STK33: variants seen among roughly 807,000 people sequenced by gnomAD.
STK33 encodes the protein serine/threonine-protein kinase 33.
STK33 carries 52 observed loss-of-function variants against 58.0 expected under a neutral mutation model. That is an observed-to-expected ratio of 0.90 (90% confidence interval 0.72 to 1.13). The LOEUF (loss-of-function observed/expected upper bound fraction) is 1.13, where lower values mean the gene tolerates loss of function less well. Among genes scored for constraint, STK33 ranks in the 50% most tolerant of loss-of-function variants. STK33 has a pLI of 0.00. For missense variants in STK33, 630 were observed against 604.2 expected (o/e 1.04, Z -0.45); for synonymous variants, 215 against 200.1 (o/e 1.07, Z -0.63).
chr11:8,449,512 C>G (rs918497490), intron 11 of STK33, among the ~76,000 whole-genome samples: 3 of 151,384 alleles, frequency 2.0e-5, no homozygotes, highest in Non-Finnish European at 2.9e-5. Context: ...AACCATCATT[C>G]TCAGCAAACT....
At chr11:8,436,197 A>C (rs1944044770) in intron 12 of STK33, 58 bp from the exon 13 acceptor site, 1 of 1,048,990 alleles carries the variant, frequency 9.5e-7, no homozygotes. Context: ...TAAGCCTATT[A>C]AAATTAAGTT....
chr11:8,443,847 A>G (rs1945071045), intron 11 of STK33, among the ~76,000 whole-genome samples: 1 of 152,054 alleles, frequency 6.6e-6, no homozygotes, highest in Admixed American at 6.5e-5. Flanking sequence ...TAAACAGAAA[A>G]AAGTTATCTG....
intron 15 of STK33, among the ~76,000 whole-genome samples, chr11:8,405,634 G>T (rs1240655711): frequency 2.0e-5 from 3 of 152,106 alleles, no homozygotes; most frequent in Admixed American, 6.6e-5. Flanking sequence ...TTGACTATCT[G>T]CTGGATGGAA....
the STK33 span, among the ~76,000 whole-genome samples, chr11:8,357,768 G>A: frequency 6.6e-6 from 1 of 152,068 alleles, no homozygotes; most frequent in Admixed American, 6.5e-5. Flanking sequence ...GTGCACCCTA[G>A]GGTCACCTTT....
chr11:8,402,535 C>T (rs1455809947), intron 15 of STK33, among the ~76,000 whole-genome samples: 1 of 152,126 alleles, frequency 6.6e-6, no homozygotes, highest in Admixed American at 6.5e-5. Flanking sequence ...TTAATGGGTG[C>T]AGCACACCAA....
intron 1 of STK33, among the ~76,000 whole-genome samples, chr11:8,509,139 AG>A (rs1451949385): frequency 6.7e-6 from 1 of 149,910 alleles, no homozygotes; most frequent in African/African-American, 2.4e-5. Flanking sequence ...AAAAAAAAAA[AG>A]CCACTCATTA....
intron 1 of STK33, among the ~76,000 whole-genome samples, chr11:8,527,574 C>A (rs543808299): frequency 6.6e-6 from 1 of 152,014 alleles, no homozygotes; most frequent in African/African-American, 2.4e-5. Context: ...GTAAGCTGTT[C>A]CCATGGCAAG....
chr11:8,532,655 C>T (rs976777021), intron 1 of STK33, among the ~76,000 whole-genome samples: 2 of 152,200 alleles, frequency 1.3e-5, no homozygotes, highest in African/African-American at 4.8e-5. Flanking sequence ...ACAACCAAAT[C>T]ACTATGTTGA....
At chr11:8,343,901 C>G in the STK33 span, among the ~76,000 whole-genome samples, 2 of 152,134 alleles carry the variant, frequency 1.3e-5, no homozygotes, top group Admixed American at 1.3e-4. Context: ...CTCCCATTCC[C>G]CCCAAGGGAA....
chr11:8,418,879 C>CAT (rs1487734863), intron 14 of STK33, among the ~76,000 whole-genome samples: 1 of 152,054 alleles, frequency 6.6e-6, no homozygotes, highest in East Asian at 1.9e-4. Flanking sequence ...TTGTTGGCTG[C>CAT]ATATATGCCC....
chr11:8,430,047 C>T (rs146358706), intron 14 of STK33, among the ~76,000 whole-genome samples: 6 of 152,290 alleles, frequency 3.9e-5, no homozygotes, highest in Non-Finnish European at 8.8e-5. Flanking sequence ...CACACAAGCA[C>T]AGCAGCAATC....
the STK33 span, among the ~76,000 whole-genome samples, chr11:8,363,228 G>C: frequency 6.6e-6 from 1 of 152,166 alleles, no homozygotes. Context: ...AAAAAGGCCA[G>C]CCACATGGAA....
intron 14 of STK33, among the ~76,000 whole-genome samples, chr11:8,428,353 G>C (rs1016528257): frequency 1.3e-5 from 2 of 152,172 alleles, no homozygotes; most frequent in Non-Finnish European, 2.9e-5. Context: ...AGGAAAAACC[G>C]GGTTGTTTTG....
At chr11:8,475,283 T>A (rs1354887603) in intron 4 of STK33, 3 of 165,580 alleles carry the variant, frequency 1.8e-5, no homozygotes, top group African/African-American at 7.1e-5. Context: ...GATACCACTT[T>A]TTAAAAATAA....
chr11:8,512,443 T>A (rs1461432214), intron 1 of STK33, among the ~76,000 whole-genome samples: 2 of 152,028 alleles, frequency 1.3e-5, no homozygotes, highest in Non-Finnish European at 2.9e-5. Context: ...AGAGATGATC[T>A]CCAGCAAGGT....
the STK33 span, among the ~76,000 whole-genome samples, chr11:8,365,634 C>T: frequency 1.2e-4 from 18 of 152,326 alleles, no homozygotes; most frequent in African/African-American, 4.3e-4. Flanking sequence ...CCTCCACCTC[C>T]ACCTACCCAC....
At position 8,452,872 on chromosome 11, in the gene STK33, C is replaced by T. The variant is rs1416446051; in HGVS notation, c.821G>A (p.Ser274Asn). 10 of 1,614,026 alleles carry T rather than the reference C, an allele frequency of 6.2e-6. No homozygotes were observed. The highest frequency in any genetic ancestry group is 7.6e-6 in the Non-Finnish European group (9 of 1,180,016). ...TDFGLAVKKQ[S>N]RSEAMLQATC... The stretch of plus-strand genomic sequence containing the variant: ...GGCCTGCAGCATGGCTTCACTCCTA[C>T]TTTGCTTCTTCACCGCTAAGCCAAA... The change falls in exon 11 of 16, where the codon AGT becomes AAT. Residue 274 changes from serine (S) to asparagine (N), a missense_variant. Ser to Asn is a conservative substitution (Grantham distance 46, BLOSUM62 1). Coordinates refer to ENST00000687296, the MANE Select transcript of STK33 (RefSeq NM_001352389.2).
chr11:8,428,597 C>T (rs1943050902), intron 14 of STK33, among the ~76,000 whole-genome samples: 1 of 152,198 alleles, frequency 6.6e-6, no homozygotes, highest in Non-Finnish European at 1.5e-5. Context: ...GTAACTCAAA[C>T]AGCTGTGATG....
At chr11:8,361,765 T>C in the STK33 span, among the ~76,000 whole-genome samples, 1 of 152,202 alleles carries the variant, frequency 6.6e-6, no homozygotes, top group East Asian at 1.9e-4. The surrounding 1 kb of genome is among the most constrained non-coding windows in gnomAD (Gnocchi z 4.8). Context: ...CAGGACAGGA[T>C]GGCAGGATCC....
Sources: gnomAD v4.1 joint callset for allele counts (sites outside exome capture counted in the v4.1 genomes callset) on GRCh38, gnomAD v4.1.1 for gene constraint, Gnocchi (gnomAD v3.1) non-coding constraint, MANE v1.5 for transcripts, NCBI Gene and HGNC (gene_info 2026-07-23, HGNC 2026-07-21) for gene names.